The following COL4A4 variants were observed in gnomAD, a reference collection of about 807,000 sequenced individuals.
COL4A4 encodes collagen alpha-4(IV) chain.
In COL4A4, 105 loss-of-function variants were observed where a neutral mutation model predicts 192.9. That is an observed-to-expected ratio of 0.54 (90% confidence interval 0.46 to 0.64). The LOEUF is 0.64. Ranked by LOEUF, COL4A4 falls within the 30% of genes least tolerant of loss-of-function variation. The pLI is 0.00. For missense variants in COL4A4, 1,967 were observed against 2,169.3 expected, an observed-to-expected ratio of 0.91 and a Z score of 1.85; for synonymous variants, 762 against 769.9, an observed-to-expected ratio of 0.99 and a Z score of 0.17.
intron 44 of COL4A4, among the ~76,000 whole-genome samples, chr2:227,015,380 A>G (rs1964654178): frequency 6.6e-6 from 1 of 152,182 alleles, no homozygotes; most frequent in Non-Finnish European, 1.5e-5. Flanking sequence ...TGTTAGAAAT[A>G]AAGACTCTCA....
chr2:227,019,542 C>G (rs1252863423), intron 44 of COL4A4, among the ~76,000 whole-genome samples: 1 of 152,220 alleles, frequency 6.6e-6, no homozygotes, highest in East Asian at 1.9e-4. Context: ...CAAAGCCCAA[C>G]CTTTCGTTAA....
chr2:226,968,431 C>T, the COL4A4 span, among the ~76,000 whole-genome samples: 1 of 152,196 alleles, frequency 6.6e-6, no homozygotes, highest in African/African-American at 2.4e-5. Flanking sequence ...AGGGAAGTTT[C>T]AGCTCTGCTC....
At chr2:227,058,453 T>A (rs955895821) in intron 28 of COL4A4, among the ~76,000 whole-genome samples, 2 of 152,242 alleles carry the variant, frequency 1.3e-5, no homozygotes, top group Non-Finnish European at 2.9e-5. Context: ...ATGTTTCACC[T>A]GTTACTTTCC....
chr2:227,008,910 AATCTCGTTAAGGAGTTTGGACTTT>A (rs1484746027), intron 46 of COL4A4, among the ~76,000 whole-genome samples: 1 of 152,190 alleles, frequency 6.6e-6, no homozygotes. Flanking sequence ...GGCCTTTGTC[AATCTCGTTAAGGAGTTTGGACTTT>A]ATCCCAAGAG....
the COL4A4 span, among the ~76,000 whole-genome samples, chr2:226,969,605 G>A: frequency 1.3e-5 from 2 of 152,208 alleles, no homozygotes; most frequent in African/African-American, 4.8e-5. Flanking sequence ...ACCAGAAAAC[G>A]TGAGTCCCGT....
At chr2:227,073,137 T>A (rs2058818333) in intron 25 of COL4A4, among the ~76,000 whole-genome samples, 1 of 151,916 alleles carries the variant, frequency 6.6e-6, no homozygotes, top group African/African-American at 2.4e-5. Context: ...GATTGTACAC[T>A]TACAAAATCC....
intron 23 of COL4A4, among the ~76,000 whole-genome samples, chr2:227,081,311 G>T (rs2059313312): frequency 6.6e-6 from 1 of 152,240 alleles, no homozygotes; most frequent in Non-Finnish European, 1.5e-5. Context: ...GCAGGTGGAA[G>T]AAGGTGGGAT....
intron 2 of COL4A4, among the ~76,000 whole-genome samples, chr2:227,146,750 C>T (rs2063573975): frequency 6.6e-6 from 1 of 152,160 alleles, no homozygotes. Flanking sequence ...CCTGGTCCCC[C>T]TCAACCTTCA....
the COL4A4 span, among the ~76,000 whole-genome samples, chr2:226,981,966 G>A: frequency 6.6e-6 from 1 of 152,204 alleles, no homozygotes; most frequent in African/African-American, 2.4e-5. Flanking sequence ...CTAGACCTTT[G>A]TGGAGAAGCC....
chr2:226,983,628 T>C, the COL4A4 span, among the ~76,000 whole-genome samples: 5 of 152,232 alleles, frequency 3.3e-5, no homozygotes, highest in South Asian at 6.2e-4. Context: ...TCTTTTTTTT[T>C]CCTTATTCCT....
At chr2:227,020,834 T>C (rs1965857598) in intron 44 of COL4A4, among the ~76,000 whole-genome samples, 1 of 150,822 alleles carries the variant, frequency 6.6e-6, no homozygotes, top group South Asian at 2.1e-4. Flanking sequence ...CCCAATGCAG[T>C]GGGGATATGT....
chr2:227,000,801 GA>G (rs1466318662), downstream of COL4A4, among the ~76,000 whole-genome samples: 1 of 151,766 alleles, frequency 6.6e-6, no homozygotes, highest in African/African-American at 2.4e-5. Flanking sequence ...AGGTCTCATG[GA>G]ATCATGGGGG....
At chr2:227,039,182 C>T (rs1398363136) in intron 37 of COL4A4, among the ~76,000 whole-genome samples, 1 of 151,968 alleles carries the variant, frequency 6.6e-6, no homozygotes, top group African/African-American at 2.4e-5. Context: ...TTTTGTTTTG[C>T]TTGAGACAGA....
At chr2:227,097,793 T>C (rs1460545591) in intron 19 of COL4A4, among the ~76,000 whole-genome samples, 1 of 152,228 alleles carries the variant, frequency 6.6e-6, no homozygotes, top group Non-Finnish European at 1.5e-5. Flanking sequence ...GCTAGATTCA[T>C]GGAAGATTAA....
intron 37 of COL4A4, among the ~76,000 whole-genome samples, chr2:227,039,093 G>A (rs1363727954): frequency 2.0e-5 from 3 of 152,084 alleles, no homozygotes; most frequent in South Asian, 2.1e-4. Context: ...TTCATAGCAC[G>A]GAATTATGAT....
At chr2:226,988,504 T>C in the COL4A4 span, 1 of 1,526,834 alleles carries the variant, frequency 6.5e-7, no homozygotes, top group Non-Finnish European at 8.8e-7. Flanking sequence ...ACTCAGGCCT[T>C]GCGAGGTGGA....
chr2:227,007,957 G>C, intron 47 of COL4A4, 61 bp downstream of exon 47: 6 of 1,573,046 alleles, frequency 3.8e-6, no homozygotes, highest in Non-Finnish European at 5.2e-6. Flanking sequence ...AGAGAGAAAT[G>C]GCGGGAGAAG....
chr2:227,068,203 A>C (rs535256797), intron 25 of COL4A4, among the ~76,000 whole-genome samples: 2,398 of 150,936 alleles, frequency 0.016, 53 homozygotes, highest in African/African-American at 0.055. Flanking sequence ...CAATAACAGG[A>C]TCTGAAATTG....
intron 19 of COL4A4, 34 bp from the exon 20 acceptor site, chr2:227,094,323 A>G (rs765387606): frequency 1.2e-6 from 2 of 1,600,722 alleles, no homozygotes; most frequent in Non-Finnish European, 1.7e-6. Context: ...AATTACATAT[A>G]CTCTCAGAGT....
Sources: allele counts gnomAD v4.1 joint callset (sites outside exome capture counted in the v4.1 genomes callset), GRCh38; gene constraint gnomAD v4.1.1; transcripts MANE v1.5; gene names NCBI Gene and HGNC (gene_info 2026-07-23, HGNC 2026-07-21).